The following FARS2 variants were observed in gnomAD, a reference collection of about 807,000 sequenced individuals.
FARS2 encodes phenylalanine--tRNA ligase, mitochondrial.
In FARS2, 40 loss-of-function variants were observed where a neutral mutation model predicts 46.4. The ratio of observed to expected loss-of-function variants is 0.86; its 90% CI spans 0.67 to 1.12. The LOEUF (loss-of-function observed/expected upper bound fraction) is 1.12. FARS2 is among the 50% of genes most tolerant of loss of function. FARS2 has a pLI of 0.00. For missense variants in FARS2, 513 were observed against 567.9 expected (o/e 0.90, Z 0.98); for synonymous variants, 234 against 214.9 (o/e 1.09, Z -0.78).
chr6:5,349,839 G>A (rs904146385), intron 1 of FARS2, among the ~76,000 whole-genome samples: 23 of 150,622 alleles, frequency 1.5e-4, no homozygotes, highest in African/African-American at 5.4e-4. Context: ...CTGTCAGTTG[G>A]ATCTTTCTGA....
intron 5 of FARS2, chr6:5,609,279 C>T (rs1478748003): frequency 1.9e-6 from 2 of 1,049,936 alleles, no homozygotes; most frequent in South Asian, 2.5e-5. Context: ...ACTGCCCTAG[C>T]CACCTTGGTT....
At chr6:5,446,235 C>T (rs1187654048) in intron 4 of FARS2, among the ~76,000 whole-genome samples, 1 of 150,788 alleles carries the variant, frequency 6.6e-6, no homozygotes, top group African/African-American at 2.4e-5. Flanking sequence ...TTTTTTACCT[C>T]GAGGCATGCC....
At chr6:5,325,591 G>A (rs942420433) in intron 1 of FARS2, among the ~76,000 whole-genome samples, 2 of 152,330 alleles carry the variant, frequency 1.3e-5, no homozygotes, top group South Asian at 4.1e-4. Flanking sequence ...TACAGCTGAA[G>A]CAGCAGGCTC....
chr6:5,258,858 A>G (rs1382030328), upstream of FARS2, among the ~76,000 whole-genome samples: 2 of 152,198 alleles, frequency 1.3e-5, no homozygotes, highest in African/African-American at 4.8e-5. Flanking sequence ...TTTCAGGTAG[A>G]GTCTTGAATG....
At chr6:5,308,814 G>A (rs563413375) in intron 1 of FARS2, among the ~76,000 whole-genome samples, 8 of 152,274 alleles carry the variant, frequency 5.3e-5, no homozygotes, top group African/African-American at 1.9e-4. Flanking sequence ...TATAAACAAT[G>A]GAAATTTATT....
intron 4 of FARS2, among the ~76,000 whole-genome samples, chr6:5,466,306 A>G (rs991693962): frequency 6.6e-6 from 1 of 152,092 alleles, no homozygotes; most frequent in Non-Finnish European, 1.5e-5. Flanking sequence ...CCAGGCCAAC[A>G]TGAAACCTTT....
At chr6:5,758,755 C>T (rs1762338883) in intron 6 of FARS2, among the ~76,000 whole-genome samples, 1 of 152,142 alleles carries the variant, frequency 6.6e-6, no homozygotes, top group African/African-American at 2.4e-5. Flanking sequence ...GGAAGCTTCG[C>T]TCTCTCCTAT....
At chr6:5,426,517 G>A (rs1762861601) in intron 3 of FARS2, among the ~76,000 whole-genome samples, 1 of 152,100 alleles carries the variant, frequency 6.6e-6, no homozygotes, top group Admixed American at 6.6e-5. Flanking sequence ...ATCATAGATT[G>A]AAAAACAAGA....
At chr6:5,303,624 C>T (rs140416717) in intron 1 of FARS2, among the ~76,000 whole-genome samples, 1 of 152,052 alleles carries the variant, frequency 6.6e-6, no homozygotes, top group African/African-American at 2.4e-5. Flanking sequence ...CCCTGCTTCT[C>T]TGAAAGTGAA....
intron 6 of FARS2, among the ~76,000 whole-genome samples, chr6:5,623,159 G>A (rs1775859514): frequency 6.6e-6 from 1 of 152,180 alleles, no homozygotes; most frequent in African/African-American, 2.4e-5. Flanking sequence ...CTATCTATGT[G>A]AAATGCTTTG....
intron 2 of FARS2, among the ~76,000 whole-genome samples, chr6:5,403,341 G>A (rs28706042): frequency 0.066 from 10,036 of 151,974 alleles, 390 homozygotes; most frequent in East Asian, 0.11. Flanking sequence ...CTCATCAGGG[G>A]GATGAGTCTT....
intron 6 of FARS2, among the ~76,000 whole-genome samples, chr6:5,649,848 G>A (rs1777258320): frequency 6.6e-6 from 1 of 152,192 alleles, no homozygotes; most frequent in Non-Finnish European, 1.5e-5. Context: ...GTGGTCTAGG[G>A]TTGCTCATGA....
At chr6:5,553,913 C>A (rs558014476) in intron 5 of FARS2, among the ~76,000 whole-genome samples, 1 of 152,106 alleles carries the variant, frequency 6.6e-6, no homozygotes, top group African/African-American at 2.4e-5. Flanking sequence ...TCAGCTGCAT[C>A]GTCGTTCAAT....
intron 6 of FARS2, among the ~76,000 whole-genome samples, chr6:5,682,240 T>A (rs983067937): frequency 1.2e-4 from 19 of 152,164 alleles, no homozygotes; most frequent in African/African-American, 4.3e-4. Context: ...CAAATTAATA[T>A]CTATATATAG....
chr6:5,264,051 A>G (rs1765377108), intron 1 of FARS2, among the ~76,000 whole-genome samples: 1 of 152,046 alleles, frequency 6.6e-6, no homozygotes, highest in Non-Finnish European at 1.5e-5. Flanking sequence ...ATCTATACAA[A>G]AAATACATCA....
At chr6:5,295,309 A>C (rs1273335817) in intron 1 of FARS2, among the ~76,000 whole-genome samples, 1 of 152,242 alleles carries the variant, frequency 6.6e-6, no homozygotes, top group African/African-American at 2.4e-5. Context: ...AGATCTTTTA[A>C]AAGTAAAGAA....
At chr6:5,667,775 G>A (rs530628325) in intron 6 of FARS2, among the ~76,000 whole-genome samples, 1 of 152,292 alleles carries the variant, frequency 6.6e-6, no homozygotes, top group South Asian at 2.1e-4. Context: ...CCATGCAAAG[G>A]TATTAGCAAC....
At chr6:5,756,677 A>G (rs1348235570) in intron 6 of FARS2, among the ~76,000 whole-genome samples, 1 of 152,198 alleles carries the variant, frequency 6.6e-6, no homozygotes, top group East Asian at 1.9e-4. Flanking sequence ...AGTGGGGACA[A>G]AGAGTCAAAA....
chr6:5,467,013 T>A (rs1362262466), intron 4 of FARS2: 18 of 984,996 alleles, frequency 1.8e-5, no homozygotes, highest in Non-Finnish European at 2.2e-5. Flanking sequence ...CCTGAGACAT[T>A]GAATACAAAT....
Sources: gnomAD v4.1 joint callset for allele counts (sites outside exome capture counted in the v4.1 genomes callset) on GRCh38, gnomAD v4.1.1 for gene constraint, MANE v1.5 for transcripts, NCBI Gene and HGNC (gene_info 2026-07-23, HGNC 2026-07-21) for gene names.